Variants in ZNF519 observed in about 807,000 individuals in gnomAD.
The protein encoded by ZNF519 is zinc finger protein 519.
Under a neutral mutation model 7.4 loss-of-function variants are expected in ZNF519, and 7 were observed. The ratio of observed to expected loss-of-function variants is 0.94; its 90% CI spans 0.54 to 1.77. The LOEUF (loss-of-function observed/expected upper bound fraction) is 1.77. Among genes scored for constraint, ZNF519 ranks in the 40% most tolerant of loss-of-function variants. ZNF519 has a pLI of 0.00. For synonymous variants in ZNF519, 179 were observed against 203.3 expected, an observed-to-expected ratio of 0.88 and a Z score of 1.02; for missense variants, 586 against 623.1, an observed-to-expected ratio of 0.94 and a Z score of 0.63.
At position 14,104,725 on chromosome 18, in the gene ZNF519, G is replaced by A. The variant is rs2046178865; in HGVS notation, c.*192C>T. 2.1e-6 allele frequency: 1 copy of A among 480,822 alleles called. No homozygotes were observed. Among genetic ancestry groups the A allele is most frequent in the Admixed American group, 3.8e-5 (1 of 26,566 alleles). The allele number at this position is 480,822 out of a possible 1,614,324, so 29.8% of individuals were successfully genotyped here. A position where few individuals can be genotyped will look rare whatever the true frequency, so the allele number is the denominator to read the frequency against. ...TTGTTATAATAAACACACTGATTCA[G>A]AGTAATTTACGGAAGTGCTAGCACC... is the stretch of plus-strand genomic sequence containing the variant. On this transcript the variant is annotated 3_prime_UTR_variant, in exon 3 of 3. Transcript: ENST00000590202.
At chr18:14,092,181 G>A (rs1206829317) in intron 2 of ZNF519, among the ~76,000 whole-genome samples, 1 of 152,076 alleles carries the variant, frequency 6.6e-6, no homozygotes, top group African/African-American at 2.4e-5. Flanking sequence ...ACCTGTGCTG[G>A]AGGCAGAGAC....
At chr18:14,080,733 C>A (rs1286402909) in intron 3 of ZNF519, among the ~76,000 whole-genome samples, 1 of 152,116 alleles carries the variant, frequency 6.6e-6, no homozygotes, top group Admixed American at 6.5e-5. Flanking sequence ...TCACATGGAC[C>A]TTTACAGCAG....
At chr18:14,117,092 C>A (rs1025570362) in intron 2 of ZNF519, among the ~76,000 whole-genome samples, 1 of 151,874 alleles carries the variant, frequency 6.6e-6, no homozygotes, top group African/African-American at 2.4e-5. Context: ...AATACATGAG[C>A]AACAAATTTA....
At chr18:14,088,737 A>G (rs2046101673) in intron 2 of ZNF519, among the ~76,000 whole-genome samples, 1 of 152,188 alleles carries the variant, frequency 6.6e-6, no homozygotes, top group African/African-American at 2.4e-5. Flanking sequence ...AAACGGTGAA[A>G]TCACCATAAT....
At chr18:14,080,078 A>C (rs1051122358) in intron 3 of ZNF519, 12 of 152,256 alleles carry the variant, frequency 7.9e-5, no homozygotes, top group African/African-American at 2.9e-4. Context: ...ACTTTAGCCA[A>C]CACCTCACCA....
At chr18:14,128,064 C>T (rs1181922840) in intron 1 of ZNF519, among the ~76,000 whole-genome samples, 7 of 151,752 alleles carry the variant, frequency 4.6e-5, no homozygotes, top group African/African-American at 7.3e-5. Context: ...CCGAGACGGG[C>T]GGATCACGAG....
At chr18:14,109,641 G>GA (rs1256351727) in intron 2 of ZNF519, among the ~76,000 whole-genome samples, 6 of 152,044 alleles carry the variant, frequency 3.9e-5, no homozygotes, top group Non-Finnish European at 8.8e-5. Flanking sequence ...ATTAATAAAT[G>GA]AATTGAAATA....
At chr18:14,079,944 C>T (rs1402600211) in intron 3 of ZNF519, among the ~76,000 whole-genome samples, 1 of 149,234 alleles carries the variant, frequency 6.7e-6, no homozygotes, top group African/African-American at 2.5e-5. Context: ...CTGTGAAAGA[C>T]AATATCAAGA....
rs576334977 is a variant in ZNF519 at position 14,126,036 on chromosome 18, T to C, written c.4-1560A>G. Among the ~76,000 whole-genome samples, 57 of 152,254 alleles carry C rather than the reference T, an allele frequency of 3.7e-4. 1 individual carries two copies. The Middle Eastern group carries it at 0.01, about 27-fold the overall frequency. On this transcript the variant is annotated intron_variant, in intron 1 of 2. Transcript: ENST00000590202. ...CCCCAAAGTATATAGTTTTTCCCCT[T>C]TTATCTCCTTTTGGGTTTCAGGAAA...
intron 2 of ZNF519, among the ~76,000 whole-genome samples, chr18:14,094,523 C>G (rs558210688): frequency 6.6e-6 from 1 of 152,050 alleles, no homozygotes; most frequent in South Asian, 2.1e-4. Context: ...TTTTCTACAT[C>G]TATTGAGATG....
chr18:14,092,771 C>A (rs76133408), intron 2 of ZNF519, among the ~76,000 whole-genome samples: 2,391 of 152,284 alleles, frequency 0.016, 64 homozygotes, highest in African/African-American at 0.055. Context: ...TCTAGCCAGG[C>A]TCCCCTAAGC....
In ZNF519 at chr18:14,102,066, C is replaced by G. The variant is rs527276779; in HGVS notation, c.*2851G>C. Reference sequence around the variant, plus strand: ...CACAAATGAACAATCTTTGTCAACACCATTTTGTTAATTTGTGTTTTCAAA... The same window carrying G: ...CACAAATGAACAATCTTTGTCAACAGCATTTTGTTAATTTGTGTTTTCAAA... On this transcript the variant is annotated 3_prime_UTR_variant, in exon 3 of 3. Transcript: ENST00000590202. 4.3e-6 allele frequency: 1 copy of G among 233,760 alleles called. No homozygotes were observed. The highest frequency in any genetic ancestry group is 1.8e-4 in the South Asian group (1 of 5,570). 14.5% of individuals were successfully genotyped at this position (233,760 alleles called of 1,614,324 possible).
chr18:14,082,406 A>G (rs1432623214), intron 3 of ZNF519: 1 of 152,182 alleles, frequency 6.6e-6, no homozygotes, highest in Non-Finnish European at 1.5e-5. Flanking sequence ...ACTACATAAC[A>G]ATAGATTCAC....
intron 2 of ZNF519, 46 bp from the exon 3 acceptor site, chr18:14,106,455 T>G: frequency 2.7e-6 from 4 of 1,462,514 alleles, no homozygotes; most frequent in Non-Finnish European, 3.6e-6. Context: ...CTGATTTCAG[T>G]TGAATATACT....
At chr18:14,097,893 A>G (rs1446380383), downstream of ZNF519, among the ~76,000 whole-genome samples, 2 of 152,182 alleles carry the variant, frequency 1.3e-5, no homozygotes, top group Non-Finnish European at 2.9e-5. Context: ...AAAAAAACAC[A>G]GTAACTCACA....
At chr18:14,073,238 T>TTA (rs1333312962), downstream of ZNF519, 7 of 144,184 alleles carry the variant, frequency 4.9e-5, no homozygotes, top group Middle Eastern at 3.4e-3. Flanking sequence ...AAATTTTTAT[T>TTA]TTTATATTTA....
chr18:14,107,283 C>T (rs1371497553), intron 2 of ZNF519, among the ~76,000 whole-genome samples: 1 of 152,194 alleles, frequency 6.6e-6, no homozygotes, highest in African/African-American at 2.4e-5. Context: ...AGTTGTGAAA[C>T]CCCTTTTCAG....
chr18:14,093,483 A>G, intron 2 of ZNF519, among the ~76,000 whole-genome samples: 1 of 152,236 alleles, frequency 6.6e-6, no homozygotes, highest in East Asian at 1.9e-4. Flanking sequence ...ATGCATCTAC[A>G]TACACCTATA....
chr18:14,077,955 C>T (rs1237864939), intron 4 of ZNF519, among the ~76,000 whole-genome samples: 1 of 152,130 alleles, frequency 6.6e-6, no homozygotes, highest in Non-Finnish European at 1.5e-5. Flanking sequence ...ACCTGGGACC[C>T]GTTCCATGGA....
Sources: allele counts gnomAD v4.1 joint callset (sites outside exome capture counted in the v4.1 genomes callset), GRCh38; gene constraint gnomAD v4.1.1; transcripts MANE v1.5; gene names NCBI Gene and HGNC (gene_info 2026-07-23, HGNC 2026-07-21).